MED13L: variants seen among roughly 807,000 people sequenced by gnomAD.
MED13L encodes the protein mediator of RNA polymerase II transcription subunit 13-like.
A neutral mutation model predicts 220.9 loss-of-function variants in MED13L; 7 were observed. The observed-to-expected ratio is 0.03, with a 90% CI of 0.02 to 0.06. MED13L has a LOEUF of 0.06. Ranked by LOEUF, MED13L falls within the 10% of genes least tolerant of loss-of-function variation. The pLI, the probability that MED13L is intolerant of heterozygous loss-of-function variation, is 1.00. For missense variants in MED13L, 1,965 were observed against 2,760.5 expected (o/e 0.71, Z 6.46); for synonymous variants, 1,011 against 1,015.2 (o/e 1.00, Z 0.08).
chr12:116,048,526 A>G (rs1048544284), intron 4 of MED13L, among the ~76,000 whole-genome samples: 1 of 152,260 alleles, frequency 6.6e-6, no homozygotes, highest in African/African-American at 2.4e-5. Context: ...AAAAGTTGAA[A>G]AGAAACCAAA....
At chr12:116,267,182 G>A (rs1872896526) in intron 1 of MED13L, among the ~76,000 whole-genome samples, 1 of 152,182 alleles carries the variant, frequency 6.6e-6, no homozygotes, top group South Asian at 2.1e-4. Flanking sequence ...GCCAGCTATA[G>A]CTCAGAGTTG....
intron 4 of MED13L, among the ~76,000 whole-genome samples, chr12:116,059,993 G>T (rs79913063): frequency 2.8e-4 from 43 of 152,074 alleles, no homozygotes; most frequent in African/African-American, 1.0e-3. Context: ...TAAAGAAAAC[G>T]CTTGGAAAAT....
intron 2 of MED13L, among the ~76,000 whole-genome samples, chr12:116,114,648 C>T (rs1367282952): frequency 6.6e-6 from 1 of 152,026 alleles, no homozygotes; most frequent in East Asian, 1.9e-4. Context: ...TACAATAGGG[C>T]AAGAAAGAAG....
chr12:116,075,915 T>C (rs940045942), intron 4 of MED13L, among the ~76,000 whole-genome samples: 3 of 149,866 alleles, frequency 2.0e-5, no homozygotes, highest in African/African-American at 7.4e-5. Context: ...AGAAGATTTT[T>C]TTTTTTTTTT....
chr12:116,084,656 G>A (rs1310205207), intron 4 of MED13L, among the ~76,000 whole-genome samples: 2 of 151,966 alleles, frequency 1.3e-5, no homozygotes, highest in East Asian at 3.9e-4. Flanking sequence ...GTGGTGGCAT[G>A]CACCTGTAAT....
chr12:116,143,067 T>A (rs961461411), intron 2 of MED13L, among the ~76,000 whole-genome samples: 3 of 152,196 alleles, frequency 2.0e-5, no homozygotes, highest in African/African-American at 7.2e-5. Context: ...ATAATCGATG[T>A]TGACTGCTTA....
intron 4 of MED13L, among the ~76,000 whole-genome samples, chr12:116,026,348 T>C (rs1880392517): frequency 6.6e-6 from 1 of 152,212 alleles, no homozygotes; most frequent in Admixed American, 6.5e-5. Flanking sequence ...CAAGGATCTT[T>C]TATATTGATA....
chr12:116,026,446 AAC>A (rs1458577966), intron 4 of MED13L, among the ~76,000 whole-genome samples: 2 of 152,218 alleles, frequency 1.3e-5, no homozygotes, highest in Admixed American at 1.3e-4. Flanking sequence ...AGCCACCAGT[AAC>A]TATATATTTT....
At chr12:115,989,777 T>C (rs1877935457) in intron 17 of MED13L, among the ~76,000 whole-genome samples, 1 of 152,168 alleles carries the variant, frequency 6.6e-6, no homozygotes, top group Non-Finnish European at 1.5e-5. Context: ...CAACTCACTA[T>C]TGAGTCCTGC....
At chr12:116,101,170 C>T (rs1297103193) in intron 3 of MED13L, among the ~76,000 whole-genome samples, 5 of 152,188 alleles carry the variant, frequency 3.3e-5, no homozygotes, top group African/African-American at 9.7e-5. Context: ...CAAGCCTGCA[C>T]ACTACTCTAA....
rs1335597861 is a variant in MED13L, at chr12:116,024,484, G to A, written c.480-1883C>T. ...TTTGCCCAGCTTTTAAATCTGGTTG[G>A]TTTCTGCTACTGACTTGAGTTCCTT... is the stretch of plus-strand genomic sequence containing the variant. On this transcript the variant is annotated intron_variant, in intron 4 of 30. Coordinates refer to ENST00000281928, the MANE Select transcript of MED13L (RefSeq NM_015335.5). Among the ~76,000 whole-genome samples the A allele has an allele frequency of 2.0e-5, 3 of 152,070 alleles. 1 individual carries two copies.
At chr12:116,034,879 G>A (rs549621206) in intron 4 of MED13L, among the ~76,000 whole-genome samples, 135 of 152,144 alleles carry the variant, frequency 8.9e-4, no homozygotes, top group Non-Finnish European at 1.7e-3. Context: ...GGTGGCACAG[G>A]CTGTAATCCC....
At chr12:116,214,125 C>A (rs545322077) in intron 2 of MED13L, among the ~76,000 whole-genome samples, 1 of 152,312 alleles carries the variant, frequency 6.6e-6, no homozygotes, top group South Asian at 2.1e-4. Flanking sequence ...AATACACTTG[C>A]TTTGCTTTCA....
chr12:116,200,773 AT>A (rs1477021391), intron 2 of MED13L, among the ~76,000 whole-genome samples: 2 of 152,250 alleles, frequency 1.3e-5, no homozygotes, highest in Non-Finnish European at 2.9e-5. Flanking sequence ...ATGATTAAAA[AT>A]AGTTTATAAA....
At position 116,146,069 on chromosome 12, in the gene MED13L, C is replaced by G. The variant is rs987522104; in HGVS notation, c.311-34557G>C. Reference sequence around the variant, plus strand: ...GCCCAGAACGGCTTTGACTGCAGCCCAACACAAATTTGTAAACTTTCTTAA... The same window carrying G: ...GCCCAGAACGGCTTTGACTGCAGCCGAACACAAATTTGTAAACTTTCTTAA... On this transcript the variant is annotated intron_variant, in intron 2 of 30. Coordinates refer to ENST00000281928, the MANE Select transcript of MED13L (RefSeq NM_015335.5). Among the ~76,000 whole-genome samples the G allele has an allele frequency of 2.0e-5, 3 of 152,298 alleles. No homozygotes were observed. The East Asian group carries it at 5.8e-4, about 29-fold the overall frequency.
intron 4 of MED13L, among the ~76,000 whole-genome samples, chr12:116,040,631 T>C (rs1418196225): frequency 6.6e-6 from 1 of 152,138 alleles, no homozygotes; most frequent in Non-Finnish European, 1.5e-5. Flanking sequence ...ACGGACTTAT[T>C]TCCTGATTTT....
At chr12:116,271,014 C>T (rs1406543853) in intron 1 of MED13L, among the ~76,000 whole-genome samples, 1 of 130,846 alleles carries the variant, frequency 7.6e-6, no homozygotes, top group African/African-American at 2.9e-5. Context: ...TGCACTCCAG[C>T]CTGGTGACAG....
chr12:116,030,688 C>T lies in MED13L; in HGVS notation c.480-8087G>A, dbSNP rs367553978. ...AGATGTATGTGCAGGAAGGTAAGTG[C>T]TCAAACAATCCTGGGAACAAACATA... On this transcript the variant is annotated intron_variant, in intron 4 of 30. Transcript: ENST00000281928. 1.7e-3 allele frequency among the ~76,000 whole-genome samples: 254 copies of T among 152,146 alleles called. 2 individuals are homozygous for T. The highest frequency in any genetic ancestry group is 4.2e-3 in the African/African-American group (176 of 41,516).
chr12:116,229,326 CTCATT>C (rs1274611274), intron 2 of MED13L, among the ~76,000 whole-genome samples: 6 of 152,230 alleles, frequency 3.9e-5, no homozygotes, highest in African/African-American at 9.6e-5. Context: ...ACTCTAACAT[CTCATT>C]TAAGAGGATT....
Sources: gnomAD v4.1 joint callset for allele counts (sites outside exome capture counted in the v4.1 genomes callset) on GRCh38, gnomAD v4.1.1 for gene constraint, MANE v1.5 for transcripts, NCBI Gene and HGNC (gene_info 2026-07-23, HGNC 2026-07-21) for gene names.